ACTR3C: variants seen among roughly 807,000 people sequenced by gnomAD.
ACTR3C encodes the protein actin-related protein 3C.
A neutral mutation model predicts 26.3 loss-of-function variants in ACTR3C; 18 were observed. The observed-to-expected ratio is 0.68, with a 90% CI of 0.47 to 1.01. The LOEUF (loss-of-function observed/expected upper bound fraction) is 1.01, where lower values mean the gene tolerates loss of function less well. Ranked by LOEUF, ACTR3C falls within the 50% of genes least tolerant of loss-of-function variation. ACTR3C has a pLI of 0.00. For missense variants in ACTR3C, 184 were observed against 250.7 expected (o/e 0.73, Z 1.80); for synonymous variants, 55 against 94.5 (o/e 0.58, Z 2.42).
the ACTR3C span, among the ~76,000 whole-genome samples, chr7:150,085,976 CTTTCT>C: frequency 6.7e-6 from 1 of 150,146 alleles, no homozygotes; most frequent in African/African-American, 2.5e-5. Flanking sequence ...TTTCTTTTTT[CTTTCT>C]TCTTTTTTTT....
chr7:150,039,681 T>G, the ACTR3C span, among the ~76,000 whole-genome samples: 1 of 99,792 alleles, frequency 1.0e-5, no homozygotes, highest in Non-Finnish European at 2.1e-5. Flanking sequence ...GGATCAACGA[T>G]GGGGGGTCCT....
intron 6 of ACTR3C, among the ~76,000 whole-genome samples, chr7:150,276,130 C>A (rs2129611414): frequency 6.6e-6 from 1 of 152,254 alleles, no homozygotes. Context: ...CACACGTAAC[C>A]CATTCATCTC....
the ACTR3C span, among the ~76,000 whole-genome samples, chr7:150,036,840 G>T: frequency 0.028 from 3,408 of 121,766 alleles, 289 homozygotes; most frequent in African/African-American, 0.09. Context: ...GATCTTAGGA[G>T]CAACGATGGG....
chr7:150,010,708 A>T, the ACTR3C span, among the ~76,000 whole-genome samples: 5 of 151,634 alleles, frequency 3.3e-5, no homozygotes, highest in Admixed American at 6.6e-5. Context: ...AAAAAAAAAA[A>T]AAAATAAGCT....
the ACTR3C span, among the ~76,000 whole-genome samples, chr7:149,909,043 A>T: frequency 6.6e-6 from 1 of 151,504 alleles, no homozygotes; most frequent in African/African-American, 2.4e-5. Context: ...CAGCCTCCCA[A>T]AGTGCTGCGA....
the ACTR3C span, among the ~76,000 whole-genome samples, chr7:150,125,742 G>C: frequency 6.6e-6 from 1 of 152,140 alleles, no homozygotes; most frequent in African/African-American, 2.4e-5. Context: ...CTGGTACGTA[G>C]TAGGTATTTA....
the ACTR3C span, among the ~76,000 whole-genome samples, chr7:150,141,251 G>A: frequency 6.6e-6 from 1 of 152,194 alleles, no homozygotes; most frequent in African/African-American, 2.4e-5. Context: ...ATGTCTGCAG[G>A]TAATGTCTCC....
chr7:150,183,428 G>A, the ACTR3C span, among the ~76,000 whole-genome samples: 1 of 149,862 alleles, frequency 6.7e-6, no homozygotes, highest in Non-Finnish European at 1.5e-5. Flanking sequence ...ATGTTGCTGT[G>A]AATATTCTAT....
the ACTR3C span, among the ~76,000 whole-genome samples, chr7:149,976,433 G>A: frequency 6.6e-6 from 1 of 152,110 alleles, no homozygotes; most frequent in Non-Finnish European, 1.5e-5. Flanking sequence ...AATTAGCTGG[G>A]CATGGTGGCA....
At chr7:149,943,498 G>A in the ACTR3C span, among the ~76,000 whole-genome samples, 8 of 150,738 alleles carry the variant, frequency 5.3e-5, no homozygotes, top group South Asian at 2.1e-4. Context: ...AGGCCGAGGC[G>A]GGCAGATCGC....
At chr7:149,968,793 C>T in the ACTR3C span, among the ~76,000 whole-genome samples, 36 of 152,106 alleles carry the variant, frequency 2.4e-4, no homozygotes, top group Non-Finnish European at 4.6e-4. Context: ...TCATGCAATT[C>T]GTATTTCAGG....
the ACTR3C span, among the ~76,000 whole-genome samples, chr7:150,156,970 C>CA: frequency 6.6e-6 from 1 of 151,188 alleles, no homozygotes; most frequent in Non-Finnish European, 1.5e-5. Flanking sequence ...AGTTCTTTTC[C>CA]AACTCTAAAA....
At chr7:150,203,847 A>G in the ACTR3C span, among the ~76,000 whole-genome samples, 15,044 of 152,232 alleles carry the variant, frequency 0.099, 962 homozygotes, top group East Asian at 0.24. Context: ...GATTGCAGGC[A>G]TGAGCCACCA....
chr7:150,155,852 T>A, the ACTR3C span, among the ~76,000 whole-genome samples: 2 of 148,432 alleles, frequency 1.3e-5, no homozygotes. Flanking sequence ...CCAATTCTCA[T>A]TGGGCTGCCT....
At chr7:150,160,227 T>TA in the ACTR3C span, among the ~76,000 whole-genome samples, 2 of 152,140 alleles carry the variant, frequency 1.3e-5, no homozygotes, top group Non-Finnish European at 2.9e-5. Flanking sequence ...AGAGTTTTAG[T>TA]AAAAAAGAAG....
At chr7:149,936,433 A>G in the ACTR3C span, among the ~76,000 whole-genome samples, 2 of 152,200 alleles carry the variant, frequency 1.3e-5, no homozygotes, top group African/African-American at 2.4e-5. Context: ...TGTAGACCAC[A>G]CAAGCACTTC....
chr7:150,191,261 G>A, the ACTR3C span, among the ~76,000 whole-genome samples: 1 of 152,140 alleles, frequency 6.6e-6, no homozygotes, highest in Non-Finnish European at 1.5e-5. Context: ...AAATCACTTT[G>A]AGATTTCAAT....
the ACTR3C span, among the ~76,000 whole-genome samples, chr7:149,938,761 G>A: frequency 6.6e-6 from 1 of 151,672 alleles, no homozygotes; most frequent in Non-Finnish European, 1.5e-5. Context: ...CTCTTGTTCA[G>A]CAACAATGCA....
At chr7:150,075,895 G>T in the ACTR3C span, among the ~76,000 whole-genome samples, 3 of 152,218 alleles carry the variant, frequency 2.0e-5, no homozygotes, top group African/African-American at 7.2e-5. Context: ...TCACACTCAT[G>T]GGGAGACGAG....
Sources: gnomAD v4.1 joint callset for allele counts (sites outside exome capture counted in the v4.1 genomes callset) on GRCh38, gnomAD v4.1.1 for gene constraint, MANE v1.5 for transcripts, NCBI Gene and HGNC (gene_info 2026-07-23, HGNC 2026-07-21) for gene names.